Variants in RAF1 observed in about 807,000 individuals in gnomAD.
The protein encoded by RAF1 is Raf-1 proto-oncogene, serine/threonine kinase, also known as RAF proto-oncogene serine/threonine-protein kinase.
A neutral mutation model predicts 81.1 loss-of-function variants in RAF1; 27 were observed. The ratio of observed to expected loss-of-function variants is 0.33; its 90% CI spans 0.25 to 0.46. The LOEUF is 0.46. Ranked by LOEUF, RAF1 falls within the 20% of genes least tolerant of loss-of-function variation. RAF1 has a pLI of 1.00. For synonymous variants in RAF1, 298 were observed against 294.0 expected, an observed-to-expected ratio of 1.01 and a Z score of -0.14; for missense variants, 598 against 826.0, an observed-to-expected ratio of 0.72 and a Z score of 3.38.
intron 2 of RAF1, among the ~76,000 whole-genome samples, chr3:12,616,149 G>A (rs1334906683): frequency 6.6e-6 from 1 of 152,174 alleles, no homozygotes; most frequent in African/African-American, 2.4e-5. Context: ...GGTCAGGAAA[G>A]AGGATCAAAA....
At chr3:12,634,728 G>C (rs1159114837) in intron 1 of RAF1, among the ~76,000 whole-genome samples, 1 of 152,140 alleles carries the variant, frequency 6.6e-6, no homozygotes, top group Non-Finnish European at 1.5e-5. Flanking sequence ...AGAGCAGAGA[G>C]AGGGAAGGAG....
intron 1 of RAF1, among the ~76,000 whole-genome samples, chr3:12,647,418 T>C (rs1370601044): frequency 3.3e-5 from 5 of 151,916 alleles, no homozygotes; most frequent in Admixed American, 2.6e-4. Flanking sequence ...CTGGACAACA[T>C]GGAGAAACCC....
chr3:12,636,382 G>A (rs910327115), intron 1 of RAF1, among the ~76,000 whole-genome samples: 1 of 149,020 alleles, frequency 6.7e-6, no homozygotes, highest in Non-Finnish European at 1.5e-5. Flanking sequence ...CATGGTGGAA[G>A]AATCGCTTAA....
rs754338208 is a variant in RAF1, at chr3:12,603,525, T to C, written c.847A>G (p.Ser283Gly). The C allele has an allele frequency of 7.3e-5, 51 of 701,258 alleles. No homozygotes were observed. Among genetic ancestry groups the C allele is most frequent in the Non-Finnish European group, 1.3e-4 (50 of 383,890 alleles). 43.4% of individuals were successfully genotyped at this position (701,258 alleles called of 1,614,324 possible). Residue 283 changes from serine (S) to glycine (G), a missense_variant, in exon 8 of 18, where the codon AGT (serine) becomes GGT (glycine). Physicochemically the swap from Ser to Gly is moderately conservative, Grantham distance 56. Around this residue, in one of 5 missense-constraint regions of RAF1, gnomAD observed 194 missense variants for 202.7 expected, o/e 0.96. Transcript: ENST00000442415. ...CTGGACCACGCCCTGGGAGAAGCAC[T>C]CAGGTTGTTATTCTAGTCCAAAGCA...
chr3:12,642,681 C>CACACAT (rs1442980106), intron 1 of RAF1, among the ~76,000 whole-genome samples: 3 of 139,918 alleles, frequency 2.1e-5, no homozygotes, highest in African/African-American at 8.5e-5. Flanking sequence ...TACACACACA[C>CACACAT]ACACACACAC....
chr3:12,584,982 C>T lies in RAF1; in HGVS notation c.1729-1G>A, dbSNP rs1294339591. The T allele has an allele frequency of 6.2e-7, 1 of 1,614,120 alleles. No homozygotes were observed. The highest frequency in any genetic ancestry group is 8.5e-7 in the Non-Finnish European group (1 of 1,180,030). On this transcript the variant is annotated splice_acceptor_variant, in intron 16 of 17. Coordinates refer to ENST00000442415, the MANE Select transcript of RAF1 (RefSeq NM_001354689.3). LOFTEE classifies it high-confidence loss of function. ...ATCCTCGGCCCACCATGAAGATGATCTAAGGGAAAGAAAACAGCTGAGCTA... is the reference window on the plus strand; with the variant it reads ...ATCCTCGGCCCACCATGAAGATGATTTAAGGGAAAGAAAACAGCTGAGCTA...
chr3:12,658,639 C>A, intron 1 of RAF1, among the ~76,000 whole-genome samples: 1 of 152,076 alleles, frequency 6.6e-6, no homozygotes, highest in East Asian at 1.9e-4. Context: ...AAATTGACTG[C>A]CACTGCCTGC....
intron 15 of RAF1, 177 bp from the exon 15 acceptor site, chr3:12,585,430 C>T (rs1392152632): frequency 1.0e-6 from 1 of 985,244 alleles, no homozygotes; most frequent in Non-Finnish European, 1.2e-6. Context: ...CTCAGGAATC[C>T]TTGTCTTTAA....
intron 1 of RAF1, among the ~76,000 whole-genome samples, chr3:12,647,120 C>A (rs1207869266): frequency 1.3e-5 from 2 of 150,198 alleles, no homozygotes; most frequent in Non-Finnish European, 3.0e-5. Context: ...CATGGTGAAA[C>A]CCCGTCTCTA....
At chr3:12,610,505 GCCCT>G (rs1397339900) in intron 3 of RAF1, among the ~76,000 whole-genome samples, 1 of 152,164 alleles carries the variant, frequency 6.6e-6, no homozygotes, top group Non-Finnish European at 1.5e-5. Flanking sequence ...AGTAGACCAA[GCCCT>G]CCCTGTCTCA....
intron 1 of RAF1, among the ~76,000 whole-genome samples, chr3:12,657,867 CA>C (rs2060748316): frequency 1.4e-5 from 1 of 69,286 alleles, no homozygotes. Flanking sequence ...AAAAAAAAAA[CA>C]AAACAAAACA....
chr3:12,607,933 G>A (rs1322636530), intron 5 of RAF1, among the ~76,000 whole-genome samples: 1 of 93,604 alleles, frequency 1.1e-5, no homozygotes, highest in Non-Finnish European at 1.9e-5. Context: ...CCTAATGACA[G>A]AAAGAGACTT....
chr3:12,631,213 C>A (rs1328901935), intron 1 of RAF1, among the ~76,000 whole-genome samples: 1 of 151,816 alleles, frequency 6.6e-6, no homozygotes, highest in East Asian at 1.9e-4. Flanking sequence ...ATGACATAGG[C>A]AGTTAGATAT....
intron 1 of RAF1, among the ~76,000 whole-genome samples, chr3:12,619,076 T>C (rs1411282305): frequency 6.6e-6 from 1 of 151,144 alleles, no homozygotes; most frequent in Non-Finnish European, 1.5e-5. Context: ...AAACCCCATC[T>C]CTACTAAAAA....
intron 11 of RAF1, among the ~76,000 whole-genome samples, chr3:12,598,196 A>G (rs2058742445): frequency 6.6e-6 from 1 of 151,568 alleles, no homozygotes; most frequent in Non-Finnish European, 1.5e-5. Flanking sequence ...TTTTTGGTAG[A>G]GATGGGGTTT....
intron 8 of RAF1, 63 bp from the exon 8 acceptor site, chr3:12,600,478 A>G: frequency 6.4e-7 from 1 of 1,572,058 alleles, no homozygotes; most frequent in Non-Finnish European, 8.8e-7. Flanking sequence ...GGGGGAGGGA[A>G]AAAAGAGGAG....
At chr3:12,630,182 G>T (rs1226377598) in intron 1 of RAF1, among the ~76,000 whole-genome samples, 4 of 151,984 alleles carry the variant, frequency 2.6e-5, no homozygotes, top group African/African-American at 7.2e-5. Flanking sequence ...CATTTTTTTG[G>T]GTATCATCTT....
chr3:12,645,390 AG>A (rs1451673223), intron 1 of RAF1, among the ~76,000 whole-genome samples: 4 of 152,152 alleles, frequency 2.6e-5, no homozygotes, highest in Non-Finnish European at 4.4e-5. Context: ...TTTTTGATGA[AG>A]AAAAAAAGTA....
At chr3:12,609,040 C>T (rs2125417881) in intron 4 of RAF1, 117 bp from the exon 5 acceptor site, 1 of 1,226,364 alleles carries the variant, frequency 8.2e-7, no homozygotes, top group Admixed American at 2.0e-5. Context: ...CCAGCATGTA[C>T]AGAATTCATA....
Sources: allele counts gnomAD v4.1 joint callset (sites outside exome capture counted in the v4.1 genomes callset), GRCh38; gene constraint gnomAD v4.1.1; regional missense constraint gnomAD v4.1.1; transcripts MANE v1.5; gene names NCBI Gene and HGNC (gene_info 2026-07-23, HGNC 2026-07-21).